The following GABRA1 variants were observed in gnomAD, a reference collection of about 807,000 sequenced individuals.
GABRA1 encodes the protein gamma-aminobutyric acid type A receptor subunit alpha1.
A neutral mutation model predicts 48.9 loss-of-function variants in GABRA1; 9 were observed. The observed-to-expected ratio is 0.18, with a 90% confidence interval of 0.11 to 0.32. The LOEUF is 0.32. Ranked by LOEUF, GABRA1 falls within the 10% of genes least tolerant of loss-of-function variation. GABRA1 has a pLI of 1.00. For missense variants in GABRA1, 285 were observed against 553.8 expected, an observed-to-expected ratio of 0.51 and a Z score of 4.87; for synonymous variants, 210 against 198.7, an observed-to-expected ratio of 1.06 and a Z score of -0.48.
chr5:161,849,594 A>G (rs927662909), intron 1 of GABRA1, among the ~76,000 whole-genome samples: 1 of 152,212 alleles, frequency 6.6e-6, no homozygotes, highest in African/African-American at 2.4e-5. Context: ...CCGAGACTGC[A>G]GAAAGCATTT....
intron 4 of GABRA1, among the ~76,000 whole-genome samples, chr5:161,871,543 A>T (rs950963019): frequency 6.6e-6 from 1 of 152,196 alleles, no homozygotes; most frequent in African/African-American, 2.4e-5. Flanking sequence ...TCACTTGCTG[A>T]TATCATCCAC....
At chr5:161,878,113 A>G (rs754145224) in intron 6 of GABRA1, among the ~76,000 whole-genome samples, 23 of 152,184 alleles carry the variant, frequency 1.5e-4, no homozygotes, top group Non-Finnish European at 2.6e-4. Context: ...AAAGGCAAAT[A>G]CACTGTAGGT....
At chr5:161,886,086 A>T (rs1361408075) in intron 7 of GABRA1, among the ~76,000 whole-genome samples, 3 of 152,154 alleles carry the variant, frequency 2.0e-5, no homozygotes, top group Non-Finnish European at 4.4e-5. Flanking sequence ...GATGGGATAT[A>T]TGGGGGCCCA....
intron 7 of GABRA1, among the ~76,000 whole-genome samples, chr5:161,887,312 G>A (rs922901621): frequency 6.6e-6 from 1 of 152,076 alleles, no homozygotes; most frequent in African/African-American, 2.4e-5. Flanking sequence ...AATAAGAAAA[G>A]CAACAGTCTT....
rs41311747 is a variant in GABRA1 at position 161,899,371 on chromosome 5, A to T, written c.*1949A>T. On this transcript the variant is annotated 3_prime_UTR_variant, in exon 10 of 10. Transcript: ENST00000393943. Reference sequence around the variant, plus strand: ...TTTCATCCACCAATATCATGTGTAGATATTATGTATAGAAAATAAAATAAA... The same window carrying T: ...TTTCATCCACCAATATCATGTGTAGTTATTATGTATAGAAAATAAAATAAA... The T allele has an allele frequency of 2.0e-5, 3 of 152,664 alleles. No homozygotes were observed. The highest frequency in any genetic ancestry group is 4.4e-5 in the Non-Finnish European group (3 of 67,982). The allele number at this position is 152,664 out of a possible 1,614,324, so 9.5% of individuals were successfully genotyped here. A position where few individuals can be genotyped will look rare whatever the true frequency, so the allele number is the denominator to read the frequency against.
chr5:161,848,900 C>T (rs1265788255), intron 1 of GABRA1: 1 of 447,514 alleles, frequency 2.2e-6, no homozygotes, highest in African/African-American at 2.0e-5. Flanking sequence ...AGGGAAGGCA[C>T]GCTCTTGTCC....
rs899970107 is a variant in GABRA1, at chr5:161,899,493, G to C, written c.*2071G>C. On this transcript the variant is annotated 3_prime_UTR_variant, in exon 10 of 10. Transcript: ENST00000393943. ...GCATTTTACCTTCCAGACTTCTCATGGCTAACTTTTGGTCTGTATTTTGCT... is the reference window on the plus strand; with the variant it reads ...GCATTTTACCTTCCAGACTTCTCATCGCTAACTTTTGGTCTGTATTTTGCT... 2.0e-5 allele frequency: 3 copies of C among 152,036 alleles called. No individual in the cohort carries two copies. The highest frequency in any genetic ancestry group is 7.2e-5 in the African/African-American group (3 of 41,414). The allele number at this position is 152,036 out of a possible 1,614,324, so 9.4% of individuals were successfully genotyped here. A position where few individuals can be genotyped will look rare whatever the true frequency, so the allele number is the denominator to read the frequency against.
intron 8 of GABRA1, among the ~76,000 whole-genome samples, chr5:161,893,647 A>T (rs1418835277): frequency 6.6e-6 from 1 of 152,166 alleles, no homozygotes; most frequent in Non-Finnish European, 1.5e-5. Flanking sequence ...TCTCATCTGG[A>T]GGCAGTGTGG....
rs759425091 is a variant in GABRA1 at position 161,875,658 on chromosome 5, T to C, written c.559+16T>C. The C allele has an allele frequency of 2.5e-6, 4 of 1,569,340 alleles. No individual in the cohort carries two copies. The highest frequency in any genetic ancestry group is 3.3e-5 in the Admixed American group (2 of 59,878). On this transcript the variant is annotated intron_variant, in intron 6 of 9. Transcript: ENST00000393943. ...TTTGGAAGTTGTGAGTAAATTTATA[T>C]GGACTTTTCTTGATTGTAAGTCATT... is the stretch of plus-strand genomic sequence containing the variant.
chr5:161,857,032 A>G (rs1354493067), intron 3 of GABRA1, among the ~76,000 whole-genome samples: 1 of 150,962 alleles, frequency 6.6e-6, no homozygotes, highest in Non-Finnish European at 1.5e-5. Context: ...TGCAAAACAG[A>G]CCCTCCCTTT....
At position 161,895,821 on chromosome 5, in the gene GABRA1, A is replaced by T. The variant is rs1306024958; in HGVS notation, c.1012A>T (p.Thr338Ser). ...LIEFATVNYFTKRGYAWDGKS... is the reference protein window; with the variant it reads ...LIEFATVNYFSKRGYAWDGKS... ...TGAGTTTGCCACAGTAAACTATTTC[A>T]CTAAGAGAGGTTATGCATGGGATGG... Residue 338 changes from threonine (T) to serine (S), a missense_variant, in exon 9 of 10, where the codon ACT (threonine) becomes TCT (serine). Physicochemically the swap from Thr to Ser is moderately conservative, Grantham distance 58. This residue lies in a region of GABRA1 where 14 missense variants were observed against 113.8 expected (regional missense o/e 0.12). Transcript: ENST00000393943. 1 of 1,614,042 alleles carries T rather than the reference A, an allele frequency of 6.2e-7. No homozygotes were observed. The highest frequency in any genetic ancestry group is 1.1e-5 in the South Asian group (1 of 91,082).
chr5:161,882,165 T>C (rs777945547), intron 6 of GABRA1: 10 of 284,340 alleles, frequency 3.5e-5, no homozygotes, highest in Non-Finnish European at 6.1e-5. Context: ...CTTCATTCTC[T>C]ATCCTTTTAC....
At chr5:161,887,983 T>G (rs1168798081) in intron 7 of GABRA1, among the ~76,000 whole-genome samples, 1 of 152,168 alleles carries the variant, frequency 6.6e-6, no homozygotes, top group East Asian at 1.9e-4. Flanking sequence ...AGGCAAAGAT[T>G]GAAAGCCAGG....
chr5:161,860,231 G>A (rs758370703), intron 3 of GABRA1, among the ~76,000 whole-genome samples: 96 of 151,854 alleles, frequency 6.3e-4, no homozygotes, highest in African/African-American at 2.1e-3. Context: ...ATGTTCTAGC[G>A]TGTTTAGACA....
intron 3 of GABRA1, among the ~76,000 whole-genome samples, chr5:161,862,324 C>T (rs1272695843): frequency 6.6e-6 from 1 of 151,902 alleles, no homozygotes; most frequent in Non-Finnish European, 1.5e-5. Flanking sequence ...TCCAGATATA[C>T]TGCACTTTCT....
chr5:161,881,858 T>C (rs1211495785), intron 6 of GABRA1: 2 of 146,344 alleles, frequency 1.4e-5, no homozygotes, highest in Non-Finnish European at 2.9e-5. Flanking sequence ...ATGGTGCCAC[T>C]GCACTCCAGC....
chr5:161,868,292 G>T (rs957914214), intron 4 of GABRA1, among the ~76,000 whole-genome samples: 14 of 152,092 alleles, frequency 9.2e-5, no homozygotes, highest in African/African-American at 3.4e-4. Context: ...ACTTTCCTTT[G>T]CTGGGGTGTA....
At position 161,897,700 on chromosome 5, in the gene GABRA1, A is replaced by C. The variant is rs1196683053; in HGVS notation, c.*278A>C. On this transcript the variant is annotated 3_prime_UTR_variant, in exon 10 of 10. Transcript: ENST00000393943. ...AGAAAAGAGGGGGAAGATGGTTCAA[A>C]GATACAAGAAAAAGTAGAAAAAAAA... 1 of 376,802 alleles carries C rather than the reference A, an allele frequency of 2.7e-6. No homozygotes were observed. Among genetic ancestry groups the C allele is most frequent in the Non-Finnish European group, 4.8e-6 (1 of 210,196 alleles). 23.3% of individuals were successfully genotyped at this position (376,802 alleles called of 1,614,324 possible). A position where few individuals can be genotyped will look rare whatever the true frequency, so the allele number is the denominator to read the frequency against.
At chr5:161,869,732 G>A (rs1409998959) in intron 4 of GABRA1, among the ~76,000 whole-genome samples, 1 of 151,538 alleles carries the variant, frequency 6.6e-6, no homozygotes. Flanking sequence ...CATTCTCCAG[G>A]GACCTACACT....
Sources: gnomAD v4.1 joint callset for allele counts (sites outside exome capture counted in the v4.1 genomes callset) on GRCh38, gnomAD v4.1.1 for gene constraint, gnomAD v4.1.1 regional missense constraint, MANE v1.5 for transcripts, NCBI Gene and HGNC (gene_info 2026-07-23, HGNC 2026-07-21) for gene names.